PPIL3: variants seen among roughly 807,000 people sequenced by gnomAD.
The protein encoded by PPIL3 is peptidylprolyl isomerase like 3.
In PPIL3, 13 loss-of-function variants were observed where a neutral mutation model predicts 20.9. That is an observed-to-expected ratio of 0.62 (90% confidence interval 0.40 to 0.99). PPIL3 has a LOEUF of 0.99. Among genes scored for constraint, PPIL3 ranks in the 50% least tolerant of loss-of-function variants. The pLI is 0.00. For missense variants in PPIL3, 170 were observed against 195.2 expected (o/e 0.87, Z 0.77); for synonymous variants, 71 against 64.4 (o/e 1.10, Z -0.49).
intron 6 of PPIL3, 56 bp downstream of exon 6, chr2:200,876,863 G>T: frequency 8.1e-7 from 1 of 1,237,948 alleles, no homozygotes. Context: ...TCACAGCTAA[G>T]CATATGCACC....
Position 200,871,248 on chromosome 2 carries a change from G to C in PPIL3, c.*147C>G, listed in dbSNP as rs1194625945. 2 of 675,358 alleles carry C rather than the reference G, an allele frequency of 3.0e-6. No homozygotes were observed. Among genetic ancestry groups the C allele is most frequent in the African/African-American group, 3.7e-5 (2 of 54,554 alleles). The allele number at this position is 675,358 out of a possible 1,614,324, so 41.8% of individuals were successfully genotyped here. ...CTAAGAATGGGGATAAAAGCTGTTGGGCGCCCCTTGGTACCACCATTTCAT... is the reference window on the plus strand; with the variant it reads ...CTAAGAATGGGGATAAAAGCTGTTGCGCGCCCCTTGGTACCACCATTTCAT... On this transcript the variant is annotated 3_prime_UTR_variant, in exon 7 of 7. Coordinates refer to ENST00000392283, the MANE Select transcript of PPIL3 (RefSeq NM_130906.3).
At position 200,876,988 on chromosome 2, in the gene PPIL3, T is replaced by G; in HGVS notation, c.290A>C (p.Asn97Thr). 1.9e-6 allele frequency: 3 copies of G among 1,613,970 alleles called. No homozygotes were observed. Among genetic ancestry groups the G allele is most frequent in the Non-Finnish European group, 1.7e-6 (2 of 1,179,810 alleles). Residue 97 changes from asparagine (N) to threonine (T), a missense_variant, in exon 6 of 7, where the codon AAT becomes ACT. Physicochemically the swap from Asn to Thr is moderately conservative, Grantham distance 65 (BLOSUM62 0). Transcript: ENST00000392283. ...ATAGGTGATGAAGAACTGAGATCCA[T>G]TGGTGTTCGGGCCATTATTAGCCAT... ...VSMANNGPNTNGSQFFITYGK... is the reference protein window; with the variant it reads ...VSMANNGPNTTGSQFFITYGK...
chr2:200,888,976 T>C lies in PPIL3; in HGVS notation c.-91A>G, dbSNP rs1261604896. On this transcript the variant is annotated 5_prime_UTR_variant, in exon 1 of 7. Transcript: ENST00000392283. ...CATACTTGGGCTTCACCACTTCGTCTAGCACAGCCGTTGTTAAAACAGGAA... is the reference window on the plus strand; with the variant it reads ...CATACTTGGGCTTCACCACTTCGTCCAGCACAGCCGTTGTTAAAACAGGAA... 2.1e-6 allele frequency: 1 copy of C among 471,106 alleles called. No homozygotes were observed. The highest frequency in any genetic ancestry group is 4.4e-6 in the Non-Finnish European group (1 of 227,066). The allele number at this position is 471,106 out of a possible 1,614,324, so 29.2% of individuals were successfully genotyped here. A position where few individuals can be genotyped will look rare whatever the true frequency, so the allele number is the denominator to read the frequency against.
chr2:200,878,259 GAAT>G (rs1320211042), intron 5 of PPIL3, among the ~76,000 whole-genome samples: 10 of 151,886 alleles, frequency 6.6e-5, no homozygotes, highest in African/African-American at 2.2e-4. Context: ...CCAATTCATT[GAAT>G]AATGGGAGCT....
chr2:200,871,350 T>C lies in PPIL3; in HGVS notation c.*45A>G, dbSNP rs771386177. 6.4e-7 allele frequency: 1 copy of C among 1,565,086 alleles called. No homozygotes were observed. Among genetic ancestry groups the C allele is most frequent in the South Asian group, 1.2e-5 (1 of 86,014 alleles). On this transcript the variant is annotated 3_prime_UTR_variant, in exon 7 of 7. Transcript: ENST00000392283. ...TTAAAACCGGGTAAACCACAATAAG[T>C]GTGTTCCAGCAATTTGTCAAGTTAT... is the stretch of plus-strand genomic sequence containing the variant.
At chr2:200,882,231 TAAACAAAACA>T (rs909117212) in intron 4 of PPIL3, 101 bp downstream of exon 4, 25 of 768,784 alleles carry the variant, frequency 3.3e-5, no homozygotes, top group Middle Eastern at 3.7e-4. Context: ...CAGAACTTAT[TAAACAAAACA>T]AAACAAAACA....
At position 200,889,053 on chromosome 2, in the gene PPIL3, C is replaced by A. The variant is rs1167885526; in HGVS notation, c.-168G>T. 4.2e-6 allele frequency: 2 copies of A among 471,142 alleles called. No individual in the cohort carries two copies. Among genetic ancestry groups the A allele is most frequent in the South Asian group, 3.1e-5 (2 of 64,574 alleles). The allele number at this position is 471,142 out of a possible 1,614,324, so 29.2% of individuals were successfully genotyped here. ...GTCTGTTGGTTCAAAATTATAGTTTCTTTGGGCCAGCGGAAGTTGGGCGCG... is the reference window on the plus strand; with the variant it reads ...GTCTGTTGGTTCAAAATTATAGTTTATTTGGGCCAGCGGAAGTTGGGCGCG... On this transcript the variant is annotated 5_prime_UTR_variant, in exon 1 of 7. Transcript: ENST00000392283.
Position 200,871,504 on chromosome 2 carries a change from T to A in PPIL3, c.377A>T (p.Glu126Val). 6.2e-7 allele frequency: 1 copy of A among 1,612,706 alleles called. No homozygotes were observed. Among genetic ancestry groups the A allele is most frequent in the Non-Finnish European group, 8.5e-7 (1 of 1,179,100 alleles). Residue 126 changes from glutamate (E) to valine (V), a missense_variant, in exon 7 of 7, where the codon GAA (glutamate) becomes GTA (valine). Transcript: ENST00000392283. Reference sequence around the variant, plus strand: ...CAACTTCTCCAACTCATCTAGAGTTTCCAGACCATCTATTACCCTGAAAGA... The same window carrying A: ...CAACTTCTCCAACTCATCTAGAGTTACCAGACCATCTATTACCCTGAAAGA... The part of the protein sequence containing the change: ...TVFGKVIDGL[E>V]TLDELEKLPV...
At chr2:200,887,946 A>T (rs1458792754) in intron 1 of PPIL3, among the ~76,000 whole-genome samples, 1 of 151,356 alleles carries the variant, frequency 6.6e-6, no homozygotes, top group Non-Finnish European at 1.5e-5. Context: ...AGTCCTAGCT[A>T]CTCAGCAGGC....
chr2:200,872,503 G>A (rs2039343774), intron 6 of PPIL3, among the ~76,000 whole-genome samples: 1 of 152,024 alleles, frequency 6.6e-6, no homozygotes, highest in Non-Finnish European at 1.5e-5. Context: ...AAGAATAGGA[G>A]GTCACTGAAT....
intron 6 of PPIL3, among the ~76,000 whole-genome samples, chr2:200,871,912 G>A (rs1187215013): frequency 6.6e-6 from 1 of 151,942 alleles, no homozygotes; most frequent in Non-Finnish European, 1.5e-5. Context: ...CAATTCTCTG[G>A]GTATCCCACA....
chr2:200,876,002 T>C (rs2039497184), intron 6 of PPIL3, among the ~76,000 whole-genome samples: 1 of 152,170 alleles, frequency 6.6e-6, no homozygotes, highest in South Asian at 2.1e-4. Flanking sequence ...GGTAACAAAA[T>C]GGAACCACCA....
rs1268929544 is a variant in PPIL3, at chr2:200,871,275, G to A, written c.*120C>T. 1 of 1,073,762 alleles carries A rather than the reference G, an allele frequency of 9.3e-7. No individual in the cohort carries two copies. The highest frequency in any genetic ancestry group is 1.6e-5 in the African/African-American group (1 of 62,076). The allele number at this position is 1,073,762 out of a possible 1,614,324, so 66.5% of individuals were successfully genotyped here. On this transcript the variant is annotated 3_prime_UTR_variant, in exon 7 of 7. Coordinates refer to ENST00000392283, the MANE Select transcript of PPIL3 (RefSeq NM_130906.3). ...CGCCCCTTGGTACCACCATTTCATA[G>A]AAGATCATAGTTGTAAACAAGCAGA...
At position 200,874,810 on chromosome 2, in the gene PPIL3, C is replaced by G. The variant is rs1014597553; in HGVS notation, c.359+2109G>C. Among the ~76,000 whole-genome samples, 3 of 152,148 alleles carry G rather than the reference C, an allele frequency of 2.0e-5. No individual in the cohort carries two copies. In the East Asian group the frequency reaches 5.8e-4, roughly 29 times the overall value. ...AAGATCTGTCTAGATCTCACTGCAGCCTTGACACCCTGAGCCCAGCAATCC... is the reference window on the plus strand; with the variant it reads ...AAGATCTGTCTAGATCTCACTGCAGGCTTGACACCCTGAGCCCAGCAATCC... On this transcript the variant is annotated intron_variant, in intron 6 of 6. Transcript: ENST00000392283.
At chr2:200,887,542 A>C in intron 2 of PPIL3, 71 bp downstream of exon 2, 1 of 1,202,734 alleles carries the variant, frequency 8.3e-7, no homozygotes, top group African/African-American at 1.5e-5. Context: ...ATGAACTTTT[A>C]TTGCCCTTGA....
chr2:200,887,551 G>T (rs2039988020), intron 2 of PPIL3, 62 bp downstream of exon 2: 1 of 1,327,472 alleles, frequency 7.5e-7, no homozygotes, highest in Non-Finnish European at 1.1e-6. Context: ...TATTGCCCTT[G>T]ACTGAATTTC....
In PPIL3 at chr2:200,887,602, T is replaced by C. The variant is rs773488354; in HGVS notation, c.3+11A>G. On this transcript the variant is annotated intron_variant, in intron 2 of 6. Transcript: ENST00000392283. ...ATGAAAGACATTAGATAAAAATTGC[T>C]CAAAACTTACCATTTTTCCTCTTAG... 1 of 1,598,586 alleles carries C rather than the reference T, an allele frequency of 6.3e-7. No individual in the cohort carries two copies. The highest frequency in any genetic ancestry group is 8.6e-7 in the Non-Finnish European group (1 of 1,169,492).
intron 2 of PPIL3, among the ~76,000 whole-genome samples, chr2:200,887,230 C>G (rs1414099498): frequency 6.6e-6 from 1 of 151,782 alleles, no homozygotes; most frequent in East Asian, 1.9e-4. Context: ...ACTAAAAATA[C>G]AAAAAATTAG....
At position 200,871,475 on chromosome 2, in the gene PPIL3, C is replaced by T. The variant is rs1246123650; in HGVS notation, c.406G>A (p.Val136Ile). ...ETLDELEKLP[V>I]NEKTYRPLND... ...AGAGGTCGGTATGTCTTCTCATTTA[C>T]TGGCAACTTCTCCAACTCATCTAGA... The change falls in exon 7 of 7, where the codon GTA becomes ATA. Residue 136 changes from valine to isoleucine, a missense_variant. Coordinates refer to ENST00000392283, the MANE Select transcript of PPIL3 (RefSeq NM_130906.3). 6.2e-7 allele frequency: 1 copy of T among 1,611,870 alleles called. No homozygotes were observed. Among genetic ancestry groups the T allele is most frequent in the Non-Finnish European group, 8.5e-7 (1 of 1,178,046 alleles).
Sources: gnomAD v4.1 joint callset for allele counts (sites outside exome capture counted in the v4.1 genomes callset) on GRCh38, gnomAD v4.1.1 for gene constraint, MANE v1.5 for transcripts, NCBI Gene and HGNC (gene_info 2026-07-23, HGNC 2026-07-21) for gene names.